The following PLXNA1 variants were observed in gnomAD, a reference collection of about 807,000 sequenced individuals.
The protein encoded by PLXNA1 is plexin-A1.
PLXNA1 carries 77 observed loss-of-function variants against 191.7 expected under a neutral mutation model. The observed-to-expected ratio is 0.40, with a 90% CI of 0.33 to 0.49. PLXNA1 has a LOEUF of 0.49. PLXNA1 is among the 20% of genes least tolerant of loss of function. The pLI, the probability that PLXNA1 is intolerant of heterozygous loss-of-function variation, is 0.63. For missense variants in PLXNA1, 2,110 were observed against 2,660.2 expected (o/e 0.79, Z 4.55); for synonymous variants, 1,137 against 1,156.4 (o/e 0.98, Z 0.34).
intron 29 of PLXNA1, chr3:127,031,759 C>G (rs77093863): frequency 6.5e-6 from 1 of 152,788 alleles, no homozygotes; most frequent in Non-Finnish European, 1.5e-5. Flanking sequence ...CCTCCAGGGA[C>G]GCAGTGTCTC....
chr3:127,029,818 C>T (rs1409395944), intron 27 of PLXNA1, 56 bp from the exon 28 acceptor site: 28 of 1,483,942 alleles, frequency 1.9e-5, no homozygotes, highest in Middle Eastern at 2.3e-4. Context: ...GAAACAGGCT[C>T]GGGCGGGGGG....
rs1226750546 is a variant in PLXNA1, at chr3:127,022,286, G to T, written c.4240G>T (p.Asp1414Tyr). ...AGGCGTGCTCAAGCAGCTGCTTTCC[G>T]ACCTCATCGAGAAGAACCTGGAGAG... ...ATGVLKQLLS[D>Y]LIEKNLESKN... Residue 1414 changes from aspartate to tyrosine, a missense_variant, in exon 22 of 32, where the codon GAC becomes TAC. Around this residue, in one of 4 missense-constraint regions of PLXNA1, gnomAD observed 559 missense variants for 911.5 expected, o/e 0.61. Transcript: ENST00000393409. 6.2e-7 allele frequency: 1 copy of T among 1,613,322 alleles called. No individual in the cohort carries two copies. Among genetic ancestry groups the T allele is most frequent in the Non-Finnish European group, 8.5e-7 (1 of 1,179,726 alleles).
chr3:126,989,722 T>C lies in PLXNA1; in HGVS notation c.1129T>C (p.Tyr377His). Reference protein sequence around the residue: ...EKIKERIQSCYRGEGKLSLPW... With the variant: ...EKIKERIQSCHRGEGKLSLPW... ...GATTAAGGAGCGCATCCAGTCCTGC[T>C]ACCGTGGTGAGGGCAAGCTCTCCCT... is the stretch of plus-strand genomic sequence containing the variant. The change falls in exon 2 of 32, where the codon TAC becomes CAC. Residue 377 changes from tyrosine (Y) to histidine (H), a missense_variant. Tyr to His is a moderately conservative substitution (Grantham distance 83). Coordinates refer to ENST00000393409, the MANE Select transcript of PLXNA1 (RefSeq NM_032242.4). 1.2e-6 allele frequency: 2 copies of C among 1,613,072 alleles called. No individual in the cohort carries two copies. Among genetic ancestry groups the C allele is most frequent in the South Asian group, 1.1e-5 (1 of 91,078 alleles).
chr3:127,029,377 T>C (rs1414024612), intron 26 of PLXNA1, 63 bp from the exon 27 acceptor site: 2 of 1,504,982 alleles, frequency 1.3e-6, no homozygotes, highest in African/African-American at 2.8e-5. Context: ...AGCCGGGGAG[T>C]GGGAGCCTGG....
At chr3:126,985,751 C>T (rs1255735835) in intron 1 of PLXNA1, among the ~76,000 whole-genome samples, 1 of 152,274 alleles carries the variant, frequency 6.6e-6, no homozygotes, top group Non-Finnish European at 1.5e-5. Context: ...CTGGCTGGTC[C>T]AGTCTCTGGA....
chr3:127,004,817 A>G, intron 5 of PLXNA1, 68 bp from the exon 6 acceptor site: 1 of 1,576,238 alleles, frequency 6.3e-7, no homozygotes. Flanking sequence ...TTCTCTGCCC[A>G]GGTCCCGCCT....
rs2079235149 is a variant in PLXNA1 at position 127,035,268 on chromosome 3, C to T, written c.*1251C>T. The T allele has an allele frequency of 6.6e-6, 1 of 152,172 alleles. No homozygotes were observed. Among genetic ancestry groups the T allele is most frequent in the Non-Finnish European group, 1.5e-5 (1 of 68,028 alleles). 9.4% of individuals were successfully genotyped at this position (152,172 alleles called of 1,614,324 possible). A position where few individuals can be genotyped will look rare whatever the true frequency, so the allele number is the denominator to read the frequency against. On this transcript the variant is annotated 3_prime_UTR_variant, in exon 32 of 32. Coordinates refer to ENST00000393409, the MANE Select transcript of PLXNA1 (RefSeq NM_032242.4). ...ATATATATGTGGCTCTAGCCTCAGG[C>T]TCCAGCCCCAGTGGGGTACTGTACA...
chr3:127,000,844 G>A (rs976260942), intron 3 of PLXNA1, among the ~76,000 whole-genome samples: 5 of 152,182 alleles, frequency 3.3e-5, no homozygotes, highest in East Asian at 1.9e-4. Context: ...CTGCACCTGC[G>A]TCACATCCAT....
Position 126,989,783 on chromosome 3 carries a change from A to G in PLXNA1, c.1190A>G (p.Asn397Ser), listed in dbSNP as rs768562501. The G allele has an allele frequency of 1.2e-5, 20 of 1,602,124 alleles. No homozygotes were observed. Among genetic ancestry groups the G allele is most frequent in the Non-Finnish European group, 1.7e-5 (20 of 1,173,010 alleles). The change falls in exon 2 of 32, where the codon AAC becomes AGC. Residue 397 changes from asparagine (N) to serine (S), a missense_variant. Around this residue, in one of 4 missense-constraint regions of PLXNA1, gnomAD observed 903 missense variants for 1,015.7 expected, o/e 0.89. Transcript: ENST00000393409. ...WLLNKELGCINSPLQIDDDFC... is the reference protein window; with the variant it reads ...WLLNKELGCISSPLQIDDDFC... ...CTCAACAAGGAGCTGGGCTGCATCA[A>G]CTCGGTGAGTTGGGCAGGGGCGCCC... is the stretch of plus-strand genomic sequence containing the variant.
chr3:127,028,252 G>T lies in PLXNA1; in HGVS notation c.4581G>T (p.Thr1527=), dbSNP rs772947536. 2 of 1,612,948 alleles carry T rather than the reference G, an allele frequency of 1.2e-6. No individual in the cohort carries two copies. Among genetic ancestry groups the T allele is most frequent in the East Asian group, 4.5e-5 (2 of 44,884 alleles). ...EVPVKGLDCD[T]VTQAKEKLLD... Reference sequence around the variant, plus strand: ...CGGTGAAGGGGCTGGACTGTGACACGGTCACCCAGGCCAAGGAGAAGCTGC... The same window carrying T: ...CGGTGAAGGGGCTGGACTGTGACACTGTCACCCAGGCCAAGGAGAAGCTGC... Residue 1527 remains threonine (T), a synonymous_variant, in exon 25 of 32, where the codon ACG becomes ACT. Coordinates refer to ENST00000393409, the MANE Select transcript of PLXNA1 (RefSeq NM_032242.4).
chr3:126,984,856 C>T (rs1011049372), intron 1 of PLXNA1, among the ~76,000 whole-genome samples: 1 of 152,204 alleles, frequency 6.6e-6, no homozygotes, highest in African/African-American at 2.4e-5. Context: ...CCGGGAGGAG[C>T]GGGTGCCCCA....
At chr3:127,016,285 G>T (rs1559962018) in intron 15 of PLXNA1, among the ~76,000 whole-genome samples, 2 of 152,132 alleles carry the variant, frequency 1.3e-5, no homozygotes, top group South Asian at 4.1e-4. Context: ...GGCAGGCCGG[G>T]TCCCAAATGC....
At chr3:127,007,089 G>A (rs2079073151) in intron 8 of PLXNA1, among the ~76,000 whole-genome samples, 1 of 152,196 alleles carries the variant, frequency 6.6e-6, no homozygotes, top group Non-Finnish European at 1.5e-5. Flanking sequence ...TGGGGTGGGG[G>A]ATCTCTGGGG....
intron 23 of PLXNA1, chr3:127,027,695 G>A: frequency 1.5e-6 from 1 of 668,332 alleles, no homozygotes; most frequent in Non-Finnish European, 2.7e-6. Flanking sequence ...TGCGCCTCCT[G>A]GCTCATGTGT....
At position 127,018,413 on chromosome 3, in the gene PLXNA1, C is replaced by A; in HGVS notation, c.3780C>A (p.Ile1260=). The A allele has an allele frequency of 6.2e-7, 1 of 1,613,058 alleles. No homozygotes were observed. The highest frequency in any genetic ancestry group is 8.5e-7 in the Non-Finnish European group (1 of 1,180,000). Residue 1260 remains isoleucine, a synonymous_variant, in exon 20 of 32, where the codon ATC becomes ATA. Transcript: ENST00000393409. ...GGGGGLLLLV[I]VAVLIAYKRK... ...GCGGGGGTCTCCTGCTGCTGGTCATCGTGGCTGTGCTCATCGCCTACAAGC... is the reference window on the plus strand; with the variant it reads ...GCGGGGGTCTCCTGCTGCTGGTCATAGTGGCTGTGCTCATCGCCTACAAGC...
chr3:127,007,871 G>A lies in PLXNA1; in HGVS notation c.2070G>A (p.Val690=). 2.5e-6 allele frequency: 4 copies of A among 1,612,346 alleles called. No homozygotes were observed. Among genetic ancestry groups the A allele is most frequent in the Non-Finnish European group, 3.4e-6 (4 of 1,179,176 alleles). ...CKYRHVCTHN[V]ADCAFLEGRV... The stretch of plus-strand genomic sequence containing the variant: ...ACCGCCACGTGTGCACACACAACGT[G>A]GCTGACTGCGCCTTCCTGGAGGGCC... The change falls in exon 9 of 32, where the codon GTG becomes GTA. Residue 690 remains valine (V), a synonymous_variant. Transcript: ENST00000393409.
intron 9 of PLXNA1, 113 bp from the exon 10 acceptor site, chr3:127,011,845 A>T: frequency 9.9e-7 from 1 of 1,011,418 alleles, no homozygotes; most frequent in Non-Finnish European, 1.5e-6. Flanking sequence ...AAATGGGCAC[A>T]TTGGTGCTTG....
At chr3:127,006,735 C>T (rs1332998341) in intron 8 of PLXNA1, among the ~76,000 whole-genome samples, 1 of 152,076 alleles carries the variant, frequency 6.6e-6, no homozygotes, top group Non-Finnish European at 1.5e-5. Flanking sequence ...CCCCTGTGCA[C>T]GCCCCCTGCT....
chr3:127,033,595 G>T (rs2107639953), intron 31 of PLXNA1, among the ~76,000 whole-genome samples: 2 of 152,266 alleles, frequency 1.3e-5, no homozygotes, highest in Middle Eastern at 3.4e-3. Context: ...CAGGGAAAGG[G>T]GAGCTGAGGC....
Sources: allele counts gnomAD v4.1 joint callset (sites outside exome capture counted in the v4.1 genomes callset), GRCh38; gene constraint gnomAD v4.1.1; regional missense constraint gnomAD v4.1.1; transcripts MANE v1.5; gene names NCBI Gene and HGNC (gene_info 2026-07-23, HGNC 2026-07-21).